NPAS3: variants seen among roughly 807,000 people sequenced by gnomAD.
The protein encoded by NPAS3 is neuronal PAS domain-containing protein 3.
In NPAS3, 14 loss-of-function variants were observed where a neutral mutation model predicts 73.1. The ratio of observed to expected loss-of-function variants is 0.19; its 90% CI spans 0.13 to 0.30. The LOEUF (loss-of-function observed/expected upper bound fraction) is 0.30. Among genes scored for constraint, NPAS3 ranks in the 10% least tolerant of loss-of-function variants. The probability of loss-of-function intolerance (pLI) is 1.00; values close to 1 mark genes in which losing one functional copy is unlikely to be tolerated. For synonymous variants in NPAS3, 620 were observed against 541.5 expected (o/e 1.14, Z -2.01); for missense variants, 1,096 against 1,250.0 (o/e 0.88, Z 1.86).
chr14:33,246,501 C>T (rs894166303), intron 3 of NPAS3, among the ~76,000 whole-genome samples: 5 of 143,374 alleles, frequency 3.5e-5, no homozygotes, highest in Non-Finnish European at 6.1e-5. Context: ...GATCGCGCCA[C>T]TGCACTCCAG....
chr14:33,618,892 G>A (rs972941973), intron 5 of NPAS3, among the ~76,000 whole-genome samples: 14 of 152,190 alleles, frequency 9.2e-5, no homozygotes, highest in Non-Finnish European at 1.3e-4. Context: ...TGACCAGAAG[G>A]ATTTGAGTAA....
chr14:33,203,619 A>G (rs562928497), intron 2 of NPAS3, among the ~76,000 whole-genome samples: 1,656 of 152,240 alleles, frequency 0.011, 26 homozygotes, highest in African/African-American at 0.038. Flanking sequence ...GATGGTTTCC[A>G]GCTTCATCCA....
exon 12 of NPAS3, chr14:33,799,996 C>T (rs769296179): frequency 8.1e-6 from 13 of 1,613,086 alleles, no homozygotes; most frequent in Non-Finnish European, 1.1e-5. Context: ...ACGTGGAGAG[C>T]GAGTCGGACC....
intron 4 of NPAS3, among the ~76,000 whole-genome samples, chr14:33,396,883 T>C (rs1018681072): frequency 2.6e-5 from 4 of 152,188 alleles, no homozygotes; most frequent in African/African-American, 9.6e-5. Flanking sequence ...GCACAAATGC[T>C]TTATTTATGG....
chr14:33,444,002 T>A (rs940051226), intron 4 of NPAS3, among the ~76,000 whole-genome samples: 13 of 152,254 alleles, frequency 8.5e-5, no homozygotes, highest in Non-Finnish European at 1.3e-4. Flanking sequence ...CTTGCCTACA[T>A]CATGGAACTT....
At chr14:33,567,420 A>G (rs2056012282) in intron 5 of NPAS3, among the ~76,000 whole-genome samples, 1 of 152,214 alleles carries the variant, frequency 6.6e-6, no homozygotes, top group Admixed American at 6.5e-5. Flanking sequence ...TAAAGAGATC[A>G]CAGTAGTACT....
intron 10 of NPAS3, 38 bp downstream of exon 10, chr14:33,794,082 A>G: frequency 6.4e-7 from 1 of 1,568,582 alleles, no homozygotes; most frequent in Non-Finnish European, 8.7e-7. Context: ...TGTCCTGGTT[A>G]TAAAATATGC....
chr14:32,978,800 A>G (rs999384642), intron 1 of NPAS3, among the ~76,000 whole-genome samples: 9 of 152,206 alleles, frequency 5.9e-5, no homozygotes, highest in African/African-American at 1.9e-4. Flanking sequence ...AAGGTCTTCA[A>G]GTGGTTGGTT....
intron 2 of NPAS3, among the ~76,000 whole-genome samples, chr14:33,074,302 G>A (rs2041584033): frequency 6.6e-6 from 1 of 152,150 alleles, no homozygotes; most frequent in Non-Finnish European, 1.5e-5. Context: ...ATAAGCTAGT[G>A]ATATCAAACA....
Position 33,394,358 on chromosome 14 carries a change from A to G in NPAS3, c.468+27090A>G, listed in dbSNP as rs569646966. 3.3e-5 allele frequency among the ~76,000 whole-genome samples: 5 copies of G among 152,314 alleles called. No individual in the cohort carries two copies. In the East Asian group the frequency reaches 9.7e-4, roughly 29 times the overall value. On this transcript the variant is annotated intron_variant, in intron 4 of 11. Transcript: ENST00000356141. ...CAGTTTTACTAAAGGGGCACGGTAT[A>G]TATTTCTTTTCCTCCTAGAACACAG...
At chr14:33,210,440 T>C (rs1191007051) in intron 2 of NPAS3, among the ~76,000 whole-genome samples, 1 of 152,166 alleles carries the variant, frequency 6.6e-6, no homozygotes, top group Non-Finnish European at 1.5e-5. Flanking sequence ...CCCCCAAAAA[T>C]AGAAGTTGAG....
intron 2 of NPAS3, among the ~76,000 whole-genome samples, chr14:33,125,301 C>T (rs189224925): frequency 1.8e-3 from 271 of 151,932 alleles, no homozygotes; most frequent in African/African-American, 5.8e-3. Context: ...TGAAGTGTAA[C>T]GGAATTTATT....
chr14:33,720,791 T>A (rs1213715062), intron 6 of NPAS3, among the ~76,000 whole-genome samples: 3 of 152,154 alleles, frequency 2.0e-5, no homozygotes, highest in African/African-American at 7.2e-5. Context: ...TCATAATAAA[T>A]CTTTGTCTCA....
intron 4 of NPAS3, among the ~76,000 whole-genome samples, chr14:33,423,531 T>A (rs1034828703): frequency 6.6e-6 from 1 of 152,016 alleles, no homozygotes; most frequent in Admixed American, 6.6e-5. Flanking sequence ...ATATCCATTT[T>A]ATTTGTTATT....
At chr14:33,455,373 A>G (rs544603537) in intron 4 of NPAS3, among the ~76,000 whole-genome samples, 2 of 152,138 alleles carry the variant, frequency 1.3e-5, no homozygotes, top group African/African-American at 4.8e-5. Context: ...TTCTAGTGAA[A>G]TTCTTCGGGC....
chr14:33,235,335 G>C (rs996867837), intron 3 of NPAS3, among the ~76,000 whole-genome samples: 2 of 151,910 alleles, frequency 1.3e-5, no homozygotes, highest in Admixed American at 6.6e-5. Flanking sequence ...TGGTCTTTTT[G>C]TTCACTGAAA....
chr14:33,232,336 T>G (rs1354053913), intron 3 of NPAS3, among the ~76,000 whole-genome samples: 1 of 152,210 alleles, frequency 6.6e-6, no homozygotes, highest in Non-Finnish European at 1.5e-5. Context: ...TAACAAGTAC[T>G]AAACTACACT....
At chr14:33,206,114 G>A (rs1213229835) in intron 2 of NPAS3, among the ~76,000 whole-genome samples, 1 of 152,008 alleles carries the variant, frequency 6.6e-6, no homozygotes, top group Non-Finnish European at 1.5e-5. Context: ...ATTTATATGG[G>A]TGATTATAAA....
At chr14:32,988,493 A>G (rs1204880993) in intron 1 of NPAS3, among the ~76,000 whole-genome samples, 3 of 152,260 alleles carry the variant, frequency 2.0e-5, no homozygotes, top group Non-Finnish European at 4.4e-5. Flanking sequence ...AATAATGAAT[A>G]GGAAACCGAT....
Sources: allele counts gnomAD v4.1 joint callset (sites outside exome capture counted in the v4.1 genomes callset), GRCh38; gene constraint gnomAD v4.1.1; transcripts MANE v1.5; gene names NCBI Gene and HGNC (gene_info 2026-07-23, HGNC 2026-07-21).